PACS1: variants seen among roughly 807,000 people sequenced by gnomAD.
PACS1 encodes PACS-1.
A neutral mutation model predicts 115.0 loss-of-function variants in PACS1; 24 were observed. That is an observed-to-expected ratio of 0.21 (90% CI 0.15 to 0.29). The LOEUF (loss-of-function observed/expected upper bound fraction) is 0.29, where lower values mean the gene tolerates loss of function less well. Ranked by LOEUF, PACS1 falls within the 10% of genes least tolerant of loss-of-function variation. PACS1 has a pLI of 1.00. For synonymous variants in PACS1, 453 were observed against 504.5 expected (o/e 0.90, Z 1.37); for missense variants, 838 against 1,251.2 (o/e 0.67, Z 4.98).
chr11:66,190,695 G>A (rs905306140), intron 1 of PACS1, among the ~76,000 whole-genome samples: 2 of 152,168 alleles, frequency 1.3e-5, no homozygotes, highest in African/African-American at 4.8e-5. Context: ...ATAGCCATTT[G>A]TGAACTGTAA....
Position 66,233,957 on chromosome 11 carries a change from C to T in PACS1, c.1993+18C>T, listed in dbSNP as rs543655686. 701 of 1,567,548 alleles carry T rather than the reference C, an allele frequency of 4.5e-4. 8 individuals are homozygous for T. In the South Asian group the frequency reaches 7.3e-3, roughly 16 times the overall value. On this transcript the variant is annotated intron_variant, in intron 16 of 23. Transcript: ENST00000320580. The surrounding 1 kb of genome is among the most constrained non-coding windows in gnomAD (Gnocchi z 4.5). ...CCCCCTCGGTAAAGACGGGAGGCAC[C>T]AGGAGGGCGTCGGGCATGAGGGTTC...
intron 1 of PACS1, among the ~76,000 whole-genome samples, chr11:66,071,932 G>T (rs577829349): frequency 6.6e-6 from 1 of 151,904 alleles, no homozygotes; most frequent in African/African-American, 2.4e-5. Context: ...TTTCTGTTTC[G>T]CTCAGCTTAA....
In PACS1 at chr11:66,070,775, G is replaced by C. The variant is rs1213190184; in HGVS notation, c.289G>C (p.Ala97Pro). ...PGGPGPGRTP[A>P]PVQMNLYATW... ...TGGCCCGGGGCCAGGCCGCACCCCC[G>C]CCCCGGTGCAGATGAACCTGTACGC... is the stretch of plus-strand genomic sequence containing the variant. The change falls in exon 1 of 24, where the codon GCC becomes CCC. Residue 97 changes from alanine to proline, a missense_variant. Transcript: ENST00000320580. The surrounding 1 kb of genome is among the most constrained non-coding windows in gnomAD (Gnocchi z 5.9). 2.6e-6 allele frequency: 4 copies of C among 1,533,812 alleles called. No individual in the cohort carries two copies. In the Admixed American group the frequency reaches 7.7e-5, roughly 30 times the overall value.
chr11:66,090,141 T>C (rs1857634364), intron 1 of PACS1, among the ~76,000 whole-genome samples: 1 of 152,032 alleles, frequency 6.6e-6, no homozygotes, highest in Admixed American at 6.6e-5. Flanking sequence ...TTGGGGTTCT[T>C]TGAACATGGA....
chr11:66,229,211 CAAAAAAA>C (rs386374029), intron 11 of PACS1, among the ~76,000 whole-genome samples: 7 of 63,222 alleles, frequency 1.1e-4, no homozygotes, highest in African/African-American at 4.3e-4. Context: ...CCCGTCTCTA[CAAAAAAA>C]AAAAAAAAAA....
chr11:66,190,668 G>A (rs1012733389), intron 1 of PACS1, among the ~76,000 whole-genome samples: 1 of 152,174 alleles, frequency 6.6e-6, no homozygotes, highest in African/African-American at 2.4e-5. Context: ...GACTGCAGGA[G>A]TTAACTACAT....
chr11:66,100,620 A>T lies in PACS1; in HGVS notation c.356+29778A>T, dbSNP rs1016464436. Reference sequence around the variant, plus strand: ...TCTCCAAAAGTTATCACTTAAAATAAGGGAAGAACTATTTTGCATACAAAC... The same window carrying T: ...TCTCCAAAAGTTATCACTTAAAATATGGGAAGAACTATTTTGCATACAAAC... On this transcript the variant is annotated intron_variant, in intron 1 of 23. Coordinates refer to ENST00000320580, the MANE Select transcript of PACS1 (RefSeq NM_018026.4). The T allele has an allele frequency of 9.3e-5, 32 of 343,896 alleles. 1 individual carries two copies. Among genetic ancestry groups the T allele is most frequent in the African/African-American group, 6.7e-4 (31 of 46,504 alleles). The allele number at this position is 343,896 out of a possible 1,614,324, so 21.3% of individuals were successfully genotyped here. A position where few individuals can be genotyped will look rare whatever the true frequency, so the allele number is the denominator to read the frequency against.
At chr11:66,193,700 A>G in intron 2 of PACS1, 127 bp downstream of exon 2, 2 of 622,474 alleles carry the variant, frequency 3.2e-6, no homozygotes, top group Non-Finnish European at 2.9e-6. Context: ...CAAGGTGCAC[A>G]GTGGAAAGAT....
intron 1 of PACS1, among the ~76,000 whole-genome samples, chr11:66,118,787 A>AG: frequency 6.6e-6 from 1 of 150,982 alleles, no homozygotes; most frequent in South Asian, 2.1e-4. Context: ...AAAAAAAAAA[A>AG]AAAAAGAAAG....
At chr11:66,147,513 A>G (rs1004321309) in intron 1 of PACS1, among the ~76,000 whole-genome samples, 22 of 152,232 alleles carry the variant, frequency 1.4e-4, no homozygotes, top group African/African-American at 3.1e-4. Flanking sequence ...GAGGAAAATG[A>G]TAACAATGGA....
chr11:66,170,909 CAAA>C (rs200066946), intron 1 of PACS1, among the ~76,000 whole-genome samples: 21 of 94,442 alleles, frequency 2.2e-4, no homozygotes, highest in South Asian at 3.4e-4. Flanking sequence ...AACCCTGTCT[CAAA>C]AAAAAAAAAA....
At chr11:66,106,808 A>T (rs1858054230) in intron 1 of PACS1, among the ~76,000 whole-genome samples, 1 of 151,994 alleles carries the variant, frequency 6.6e-6, no homozygotes, top group Non-Finnish European at 1.5e-5. Context: ...TAGTTTCTCC[A>T]CATGCAAAAC....
At chr11:66,172,782 C>T (rs534487018) in intron 1 of PACS1, among the ~76,000 whole-genome samples, 1 of 152,168 alleles carries the variant, frequency 6.6e-6, no homozygotes, top group African/African-American at 2.4e-5. Context: ...TCGAGACCAT[C>T]CTGGCCAACA....
rs1855214561 is a variant in PACS1 at position 66,216,578 on chromosome 11, A to G, written c.864A>G (p.Glu288=). ...SEEEEESFSS[E]QEGSDDPLHG... is the part of the protein sequence containing the mutation. ...AAGAGGAAGAGAGTTTCTCATCAGAACAGGAAGGCAGTGATGATCCATTGC... is the reference window on the plus strand; with the variant it reads ...AAGAGGAAGAGAGTTTCTCATCAGAGCAGGAAGGCAGTGATGATCCATTGC... The change falls in exon 6 of 24, where the codon GAA becomes GAG. Residue 288 remains glutamate (E), a synonymous_variant. Transcript: ENST00000320580. The G allele has an allele frequency of 1.2e-6, 2 of 1,613,984 alleles. No homozygotes were observed. Among genetic ancestry groups the G allele is most frequent in the South Asian group, 1.1e-5 (1 of 91,088 alleles).
chr11:66,080,563 A>G (rs1857462613), intron 1 of PACS1, among the ~76,000 whole-genome samples: 1 of 152,186 alleles, frequency 6.6e-6, no homozygotes, highest in Non-Finnish European at 1.5e-5. Flanking sequence ...CCCTTTTCTC[A>G]GAAGGGAAAA....
chr11:66,078,799 C>T (rs1425809728), intron 1 of PACS1, among the ~76,000 whole-genome samples: 1 of 152,254 alleles, frequency 6.6e-6, no homozygotes, highest in Admixed American at 6.5e-5. Context: ...AGCAATCCTC[C>T]CGCCTCAGCC....
chr11:66,154,783 TTCTC>T lies in PACS1; in HGVS notation c.357-38702_357-38699del, dbSNP rs1380121325. 6.6e-5 allele frequency among the ~76,000 whole-genome samples: 10 copies of T among 152,312 alleles called. No individual in the cohort carries two copies. In the South Asian group the frequency reaches 1.2e-3, roughly 19 times the overall value. The stretch of plus-strand genomic sequence containing the variant: ...CAAATTCATCTGTAGATTCAATACA[TTCTC>T]AATCAAAATTTCTGCGTATTTTTGT... On this transcript the variant is annotated intron_variant, in intron 1 of 23. Transcript: ENST00000320580.
At chr11:66,198,518 T>C (rs1217358096) in intron 2 of PACS1, among the ~76,000 whole-genome samples, 1 of 152,000 alleles carries the variant, frequency 6.6e-6, no homozygotes, top group Non-Finnish European at 1.5e-5. Context: ...AAACCACATA[T>C]TGTATGATTC....
intron 1 of PACS1, among the ~76,000 whole-genome samples, chr11:66,095,851 T>A (rs1038508437): frequency 5.3e-5 from 8 of 152,226 alleles, no homozygotes; most frequent in Non-Finnish European, 1.0e-4. Context: ...CTTTAGGTAT[T>A]ATCTGGTGAA....
Sources: gnomAD v4.1 joint callset for allele counts (sites outside exome capture counted in the v4.1 genomes callset) on GRCh38, gnomAD v4.1.1 for gene constraint, Gnocchi (gnomAD v3.1) non-coding constraint, MANE v1.5 for transcripts, NCBI Gene and HGNC (gene_info 2026-07-23, HGNC 2026-07-21) for gene names.